Variants in RFX4 observed in about 807,000 individuals in gnomAD.
The protein encoded by RFX4 is regulatory factor X4, also known as transcription factor RFX4.
RFX4 carries 10 observed loss-of-function variants against 95.0 expected under a neutral mutation model. That is an observed-to-expected ratio of 0.11 (90% confidence interval 0.06 to 0.18). The LOEUF (loss-of-function observed/expected upper bound fraction) is 0.18. Ranked by LOEUF, RFX4 falls within the 10% of genes least tolerant of loss-of-function variation. The probability of loss-of-function intolerance (pLI) is 1.00; values close to 1 mark genes in which losing one functional copy is unlikely to be tolerated. For synonymous variants in RFX4, 321 were observed against 340.7 expected (o/e 0.94, Z 0.64); for missense variants, 640 against 922.0 (o/e 0.69, Z 3.96).
At chr12:106,732,373 G>C in intron 14 of RFX4, 124 bp downstream of exon 14, 3 of 1,333,144 alleles carry the variant, frequency 2.3e-6, no homozygotes, top group African/African-American at 1.5e-5. Flanking sequence ...AGGTTAAGTG[G>C]TATCAAACCA....
intron 8 of RFX4, among the ~76,000 whole-genome samples, chr12:106,703,103 T>C (rs1474797660): frequency 6.6e-6 from 1 of 152,238 alleles, no homozygotes; most frequent in Non-Finnish European, 1.5e-5. Context: ...CCCACTTGTA[T>C]GTAACGCCCT....
chr12:106,614,786 G>C (rs959759271), intron 2 of RFX4, among the ~76,000 whole-genome samples: 28 of 152,156 alleles, frequency 1.8e-4, no homozygotes, highest in Non-Finnish European at 2.8e-4. Context: ...TAGGATTACA[G>C]GCGTGAGCCA....
chr12:106,660,920 T>C lies in RFX4; in HGVS notation c.315+6569T>C, dbSNP rs557229124. Among the ~76,000 whole-genome samples, 3 of 152,266 alleles carry C rather than the reference T, an allele frequency of 2.0e-5. No homozygotes were observed. The South Asian group carries it at 6.2e-4, about 32-fold the overall frequency. On this transcript the variant is annotated intron_variant, in intron 4 of 17. Coordinates refer to ENST00000392842, the MANE Select transcript of RFX4 (RefSeq NM_213594.3). ...GTGGAACAGTTTCATCCTGAAACCA[T>C]TCCTTCAACCTGTCCAAGGGAAAAT...
chr12:106,742,877 A>G (rs2042830416), intron 15 of RFX4, among the ~76,000 whole-genome samples: 1 of 152,232 alleles, frequency 6.6e-6, no homozygotes, highest in Non-Finnish European at 1.5e-5. Flanking sequence ...AAAGGAAATG[A>G]GCATGAGATA....
chr12:106,639,517 C>A, intron 3 of RFX4, 125 bp downstream of exon 3: 3 of 869,982 alleles, frequency 3.4e-6, no homozygotes, highest in South Asian at 1.9e-5. Flanking sequence ...AACATGAAAT[C>A]TATTTAATTT....
At chr12:106,594,442 A>C (rs1432992433) in intron 1 of RFX4, among the ~76,000 whole-genome samples, 6 of 152,232 alleles carry the variant, frequency 3.9e-5, no homozygotes, top group African/African-American at 1.4e-4. Flanking sequence ...GAAAAAACAC[A>C]GCTTTTCTTC....
intron 4 of RFX4, among the ~76,000 whole-genome samples, chr12:106,667,228 G>A (rs2041195110): frequency 6.6e-6 from 1 of 152,088 alleles, no homozygotes; most frequent in Middle Eastern, 3.2e-3. Flanking sequence ...GAGGGGACTG[G>A]TGTTGGGTTA....
rs2039398167 is a variant in RFX4 at position 106,583,156 on chromosome 12, C to T, written c.-165C>T. The T allele has an allele frequency of 9.4e-6, 5 of 531,564 alleles. No individual in the cohort carries two copies. Among genetic ancestry groups the T allele is most frequent in the South Asian group, 4.1e-5 (1 of 24,214 alleles). The allele number at this position is 531,564 out of a possible 1,614,324, so 32.9% of individuals were successfully genotyped here. ...TTCTCTTTTCTTTCCTCTTCTTTTT[C>T]TTTTCTTTTCCTTTCCTCCTTTATC... On this transcript the variant is annotated 5_prime_UTR_variant, in exon 1 of 18. Transcript: ENST00000392842.
chr12:106,633,303 G>T (rs1285713230), intron 2 of RFX4, among the ~76,000 whole-genome samples: 1 of 152,214 alleles, frequency 6.6e-6, no homozygotes, highest in Non-Finnish European at 1.5e-5. Flanking sequence ...TGAGCACCTA[G>T]TGAGGTCCTG....
rs985808371 is a variant in RFX4 at position 106,601,347 on chromosome 12, G to A, written c.44-7450G>A. ...AGGCCTCGACGGCGCCGTTCCACTG[G>A]TAATGACCAGGGCCCAGGGACAGGA... On this transcript the variant is annotated intron_variant, in intron 1 of 17. Coordinates refer to ENST00000392842, the MANE Select transcript of RFX4 (RefSeq NM_213594.3). 9 of 1,578,448 alleles carry A rather than the reference G, an allele frequency of 5.7e-6. No individual in the cohort carries two copies. In the African/African-American group the frequency reaches 1.2e-4, roughly 21 times the overall value.
chr12:106,639,176 T>C (rs1444781956), intron 2 of RFX4, among the ~76,000 whole-genome samples, 156 bp from the exon 3 acceptor site: 1 of 152,244 alleles, frequency 6.6e-6, no homozygotes, highest in Admixed American at 6.5e-5. Flanking sequence ...TATTAAAGTA[T>C]GATGAGTCTA....
chr12:106,708,562 G>C (rs1283427947), intron 8 of RFX4, among the ~76,000 whole-genome samples: 1 of 152,158 alleles, frequency 6.6e-6, no homozygotes, highest in African/African-American at 2.4e-5. Flanking sequence ...ACCAGGGCAG[G>C]CTAGGTGGTG....
intron 5 of RFX4, chr12:106,685,055 A>T: frequency 7.4e-7 from 1 of 1,342,554 alleles, no homozygotes; most frequent in Non-Finnish European, 1.0e-6. Context: ...GGTAGAGAAA[A>T]GTAGTTAATA....
chr12:106,701,934 T>G (rs1001745151), intron 8 of RFX4, among the ~76,000 whole-genome samples: 1 of 152,144 alleles, frequency 6.6e-6, no homozygotes, highest in African/African-American at 2.4e-5. Flanking sequence ...GAAAATTAAT[T>G]GAGCCCAGAA....
At chr12:106,660,743 G>A (rs1259827143) in intron 4 of RFX4, among the ~76,000 whole-genome samples, 4 of 152,106 alleles carry the variant, frequency 2.6e-5, no homozygotes, top group African/African-American at 9.7e-5. Flanking sequence ...GTGGGTGGGC[G>A]AGTGAGCGAG....
intron 4 of RFX4, among the ~76,000 whole-genome samples, chr12:106,655,498 C>T (rs975235184): frequency 6.6e-6 from 1 of 152,174 alleles, no homozygotes; most frequent in African/African-American, 2.4e-5. Context: ...TATGGCTCTG[C>T]TATGGAGGTG....
At chr12:106,723,381 C>T (rs2042431681) in intron 13 of RFX4, among the ~76,000 whole-genome samples, 1 of 152,154 alleles carries the variant, frequency 6.6e-6, no homozygotes, top group South Asian at 2.1e-4. Context: ...CCTAGAGTAC[C>T]TAGATCTCAA....
At chr12:106,741,485 C>G (rs1054713799) in intron 15 of RFX4, among the ~76,000 whole-genome samples, 2 of 152,180 alleles carry the variant, frequency 1.3e-5, no homozygotes, top group African/African-American at 4.8e-5. Flanking sequence ...AAAACAGTAG[C>G]CATTAGCCAC....
chr12:106,692,998 T>C (rs2041812616), intron 7 of RFX4: 1 of 263,120 alleles, frequency 3.8e-6, no homozygotes, highest in South Asian at 3.6e-5. Context: ...AGGTCTTAGA[T>C]TGCCACTCCC....
Sources: gnomAD v4.1 joint callset for allele counts (sites outside exome capture counted in the v4.1 genomes callset) on GRCh38, gnomAD v4.1.1 for gene constraint, MANE v1.5 for transcripts, NCBI Gene and HGNC (gene_info 2026-07-23, HGNC 2026-07-21) for gene names.